TCERG1: variants seen among roughly 807,000 people sequenced by gnomAD.
TCERG1 encodes the protein transcription elongation regulator 1.
Under a neutral mutation model 144.7 loss-of-function variants are expected in TCERG1, and 37 were observed. The observed-to-expected ratio is 0.26, with a 90% CI of 0.20 to 0.34. The LOEUF is 0.34. Among genes scored for constraint, TCERG1 ranks in the 10% least tolerant of loss-of-function variants. The pLI is 1.00. For missense variants in TCERG1, 1,027 were observed against 1,380.7 expected, an observed-to-expected ratio of 0.74 and a Z score of 4.06; for synonymous variants, 492 against 458.2, an observed-to-expected ratio of 1.07 and a Z score of -0.94.
intron 16 of TCERG1, among the ~76,000 whole-genome samples, chr5:146,493,936 ATAGT>A (rs1766650814): frequency 6.6e-6 from 1 of 152,246 alleles, no homozygotes; most frequent in South Asian, 2.1e-4. Context: ...TCTTATATAA[ATAGT>A]TAATTTTGTC....
intron 5 of TCERG1, among the ~76,000 whole-genome samples, chr5:146,466,407 G>A (rs754539600): frequency 5.8e-4 from 84 of 145,238 alleles, no homozygotes; most frequent in Non-Finnish European, 9.8e-4. Context: ...ACAAGAGTAG[G>A]GGGTGGAGTT....
intron 9 of TCERG1, among the ~76,000 whole-genome samples, chr5:146,474,841 CTAAA>C (rs1764685766): frequency 1.3e-5 from 2 of 152,150 alleles, no homozygotes. Context: ...ATGTTGCACA[CTAAA>C]TAGACTACAG....
chr5:146,447,343 C>A lies in TCERG1; in HGVS notation c.-7C>A. ...GGTCGGCGGGTGGATGAACGCGGCC[C>A]TCTGTAATGGCGGAGCGTGGCGGGG... On this transcript the variant is annotated 5_prime_UTR_variant, in exon 1 of 23. Transcript: ENST00000679501. 6.2e-7 allele frequency: 1 copy of A among 1,611,970 alleles called. No homozygotes were observed. The highest frequency in any genetic ancestry group is 2.2e-5 in the East Asian group (1 of 44,680).
intron 1 of TCERG1, among the ~76,000 whole-genome samples, chr5:146,453,368 T>C (rs1285846247): frequency 6.6e-6 from 1 of 152,248 alleles, no homozygotes; most frequent in African/African-American, 2.4e-5. Flanking sequence ...ATTTTACCTC[T>C]TCTGCTTTAC....
At chr5:146,484,130 T>C (rs780597952) in intron 15 of TCERG1, among the ~76,000 whole-genome samples, 10 of 152,142 alleles carry the variant, frequency 6.6e-5, no homozygotes, top group Non-Finnish European at 1.3e-4. Flanking sequence ...AGATAGTACT[T>C]GAACATAGGT....
In TCERG1 at chr5:146,507,096, T is replaced by G; in HGVS notation, c.2850T>G (p.Ser950=). ...RTLRKDHRWE[S]GSLLEREEKE... is the part of the protein sequence containing the mutation. ...TCCGAAAAGATCACCGCTGGGAATC[T>G]GGATCCTTATTGGAAAGAGAGGAGA... The change falls in exon 20 of 23, where the codon TCT becomes TCG. Residue 950 remains serine, a synonymous_variant. Transcript: ENST00000679501. This position sits in a 1 kb window ranked among gnomAD's most constrained non-coding sequence, Gnocchi z 4.6. 6.2e-7 allele frequency: 1 copy of G among 1,613,772 alleles called. No individual in the cohort carries two copies. The highest frequency in any genetic ancestry group is 1.7e-4 in the Middle Eastern group (1 of 6,058).
chr5:146,506,639 A>G (rs1581584117), intron 19 of TCERG1, among the ~76,000 whole-genome samples: 1 of 152,182 alleles, frequency 6.6e-6, no homozygotes, highest in Non-Finnish European at 1.5e-5. Context: ...ATCTTTGACA[A>G]GTAACTCCTC....
At position 146,447,386 on chromosome 5, in the gene TCERG1, C is replaced by T. The variant is rs79408814; in HGVS notation, c.37C>T (p.Arg13Ter). The change falls in exon 1 of 23, where the codon CGA (arginine) becomes TGA (stop). Residue 13 changes from arginine (R) to a stop codon, truncating the protein, a stop_gained. Coordinates refer to ENST00000679501, the MANE Select transcript of TCERG1 (RefSeq NM_001382548.1). LOFTEE classifies it high-confidence loss of function. Reference protein sequence around the residue: ...ERGGDGGESERFNPGELRMAQ... With the variant: ...ERGGDGGESE Reference sequence around the variant, plus strand: ...TGGCGGGGACGGGGGCGAGAGTGAACGATTCAACCCGGGGGAGCTCAGGTA... The same window carrying T: ...TGGCGGGGACGGGGGCGAGAGTGAATGATTCAACCCGGGGGAGCTCAGGTA... The T allele has an allele frequency of 6.2e-7, 1 of 1,611,368 alleles. No homozygotes were observed. The highest frequency in any genetic ancestry group is 1.3e-5 in the African/African-American group (1 of 74,694).
intron 4 of TCERG1, among the ~76,000 whole-genome samples, chr5:146,461,094 C>T (rs1047599942): frequency 2.0e-4 from 31 of 152,166 alleles, no homozygotes; most frequent in Non-Finnish European, 4.4e-4. Flanking sequence ...ATAATTTAAC[C>T]ATACTATATA....
intron 16 of TCERG1, among the ~76,000 whole-genome samples, chr5:146,493,764 T>G (rs1305271314): frequency 1.3e-5 from 2 of 152,028 alleles, no homozygotes; most frequent in Non-Finnish European, 2.9e-5. Flanking sequence ...TCAATTAGAT[T>G]TCAGTGTTGC....
At chr5:146,450,915 A>T (rs1381002707) in intron 1 of TCERG1, among the ~76,000 whole-genome samples, 4 of 152,226 alleles carry the variant, frequency 2.6e-5, no homozygotes, top group Non-Finnish European at 4.4e-5. Flanking sequence ...ATCTCATTGA[A>T]CAGTGATATC....
rs1561690195 is a variant in TCERG1, at chr5:146,493,056, C to T, written c.2282+18C>T. The T allele has an allele frequency of 2.0e-6, 3 of 1,467,486 alleles. No homozygotes were observed. The highest frequency in any genetic ancestry group is 1.2e-5 in the South Asian group (1 of 81,986). The allele number at this position is 1,467,486 out of a possible 1,614,324, so 90.9% of individuals were successfully genotyped here. A position where few individuals can be genotyped will look rare whatever the true frequency, so the allele number is the denominator to read the frequency against. On this transcript the variant is annotated intron_variant, in intron 16 of 22. Coordinates refer to ENST00000679501, the MANE Select transcript of TCERG1 (RefSeq NM_001382548.1). ...AATCCAAGGTATGTGGTTTGTTTCT[C>T]TTAAATATCAAAGTGTATTTATTTT...
intron 9 of TCERG1, among the ~76,000 whole-genome samples, chr5:146,473,794 C>T (rs1764571556): frequency 6.6e-6 from 1 of 152,152 alleles, no homozygotes; most frequent in Admixed American, 6.5e-5. Context: ...ACTTACTGCT[C>T]AGAAAGAAGT....
At chr5:146,510,366 GGACA>G (rs1768362875) in intron 22 of TCERG1, 71 bp from the exon 23 acceptor site, 1 of 1,050,668 alleles carries the variant, frequency 9.5e-7, no homozygotes. Flanking sequence ...GGAACTAGAT[GGACA>G]TTTCCAGCTC....
intron 9 of TCERG1, among the ~76,000 whole-genome samples, chr5:146,476,552 T>TA (rs57186160): frequency 0.042 from 6,441 of 152,086 alleles, 431 homozygotes; most frequent in African/African-American, 0.14. Context: ...CAGGCTCATT[T>TA]AAAAAAAATA....
At chr5:146,495,792 C>G (rs1766838100) in intron 16 of TCERG1, among the ~76,000 whole-genome samples, 1 of 152,170 alleles carries the variant, frequency 6.6e-6, no homozygotes, top group African/African-American at 2.4e-5. Flanking sequence ...AACTAAATAG[C>G]TTTTAAGTGG....
intron 9 of TCERG1, among the ~76,000 whole-genome samples, chr5:146,475,653 C>T (rs1483585042): frequency 6.6e-6 from 1 of 152,112 alleles, no homozygotes; most frequent in Non-Finnish European, 1.5e-5. Flanking sequence ...CAGACCTTGG[C>T]AATGACCTTG....
chr5:146,482,415 T>G (rs937168662), intron 13 of TCERG1, 177 bp from the exon 14 acceptor site: 1 of 462,150 alleles, frequency 2.2e-6, no homozygotes, highest in African/African-American at 2.0e-5. Context: ...TTTAATTTTG[T>G]TATTATGAAA....
At chr5:146,490,377 A>G (rs914786641) in intron 15 of TCERG1, among the ~76,000 whole-genome samples, 2 of 152,174 alleles carry the variant, frequency 1.3e-5, no homozygotes, top group Non-Finnish European at 2.9e-5. Context: ...CTACATAGTA[A>G]GTCTTTTCCT....
Sources: allele counts gnomAD v4.1 joint callset (sites outside exome capture counted in the v4.1 genomes callset), GRCh38; gene constraint gnomAD v4.1.1; non-coding constraint Gnocchi (gnomAD v3.1); transcripts MANE v1.5; gene names NCBI Gene and HGNC (gene_info 2026-07-23, HGNC 2026-07-21).